Variants in MAP3K7CL observed in about 807,000 individuals in gnomAD.
The protein encoded by MAP3K7CL is MAP3K7 C-terminal-like protein.
In MAP3K7CL, 16 loss-of-function variants were observed where a neutral mutation model predicts 18.6. The observed-to-expected ratio is 0.86, with a 90% CI of 0.58 to 1.31. The LOEUF is 1.31. MAP3K7CL is among the 50% of genes most tolerant of loss of function. The pLI, the probability that MAP3K7CL is intolerant of heterozygous loss-of-function variation, is 0.00. For synonymous variants in MAP3K7CL, 65 were observed against 66.8 expected (o/e 0.97, Z 0.13); for missense variants, 163 against 174.4 (o/e 0.93, Z 0.37).
chr21:29,169,142 A>G lies in MAP3K7CL; in HGVS notation c.249-5570A>G, dbSNP rs1394130980. ...TGCTGCTAGACTTCCTACAACGCCAATGTATAGACAGTGCCCAACGACAAA... is the reference window on the plus strand; with the variant it reads ...TGCTGCTAGACTTCCTACAACGCCAGTGTATAGACAGTGCCCAACGACAAA... On this transcript the variant is annotated intron_variant, in intron 4 of 4. Coordinates refer to ENST00000399928, the MANE Select transcript of MAP3K7CL (RefSeq NM_001286620.2). Among the ~76,000 whole-genome samples, 11 of 152,228 alleles carry G rather than the reference A, an allele frequency of 7.2e-5. 1 individual carries two copies. Among genetic ancestry groups the G allele is most frequent in the African/African-American group, 1.9e-4 (8 of 41,450 alleles).
rs1221578809 is a variant in MAP3K7CL, at chr21:29,175,847, T to G, written c.*955T>G. ...ACTCTTTGTTATATGTCCATTTCTATTCATGTAACTTCTTTTTCATTAAAC... is the reference window on the plus strand; with the variant it reads ...ACTCTTTGTTATATGTCCATTTCTAGTCATGTAACTTCTTTTTCATTAAAC... On this transcript the variant is annotated 3_prime_UTR_variant, in exon 5 of 5. Coordinates refer to ENST00000399928, the MANE Select transcript of MAP3K7CL (RefSeq NM_001286620.2). 6.6e-6 allele frequency: 1 copy of G among 152,234 alleles called. No homozygotes were observed. Among genetic ancestry groups the G allele is most frequent in the African/African-American group, 2.4e-5 (1 of 41,460 alleles). The allele number at this position is 152,234 out of a possible 1,614,324, so 9.4% of individuals were successfully genotyped here. A position where few individuals can be genotyped will look rare whatever the true frequency, so the allele number is the denominator to read the frequency against.
intron 4 of MAP3K7CL, among the ~76,000 whole-genome samples, chr21:29,119,356 G>T (rs1316302594): frequency 1.3e-5 from 2 of 152,168 alleles, no homozygotes; most frequent in Non-Finnish European, 2.9e-5. Flanking sequence ...CAACCCTAAA[G>T]GTCTTTGCCC....
At chr21:29,128,900 A>C (rs1165817188), upstream of MAP3K7CL, among the ~76,000 whole-genome samples, 3 of 152,254 alleles carry the variant, frequency 2.0e-5, no homozygotes, top group Admixed American at 1.3e-4. Context: ...ATATTAAAAC[A>C]GTAATATTAA....
At chr21:29,141,537 G>A (rs1361909138) in intron 2 of MAP3K7CL, among the ~76,000 whole-genome samples, 1 of 150,684 alleles carries the variant, frequency 6.6e-6, no homozygotes, top group African/African-American at 2.4e-5. Context: ...AAAAAAGAGA[G>A]AAATTGTCCT....
chr21:29,146,559 G>C (rs559226086), intron 2 of MAP3K7CL, among the ~76,000 whole-genome samples: 42 of 152,258 alleles, frequency 2.8e-4, no homozygotes, highest in African/African-American at 9.9e-4. Flanking sequence ...GCATTCAAAG[G>C]GCCTTGGGAC....
In MAP3K7CL at chr21:29,175,627, G is replaced by A. The variant is rs1467959278; in HGVS notation, c.*735G>A. ...TGCCTGTGTGTGTTCTGGGGGAGGG[G>A]GGACATGGAAAAATATTGTTTGGAC... On this transcript the variant is annotated 3_prime_UTR_variant, in exon 5 of 5. Transcript: ENST00000399928. The A allele has an allele frequency of 6.6e-6, 1 of 152,238 alleles. No individual in the cohort carries two copies. The highest frequency in any genetic ancestry group is 2.4e-5 in the African/African-American group (1 of 41,426). 9.4% of individuals were successfully genotyped at this position (152,238 alleles called of 1,614,324 possible).
At chr21:29,146,977 A>G (rs768527644) in intron 2 of MAP3K7CL, among the ~76,000 whole-genome samples, 3 of 152,196 alleles carry the variant, frequency 2.0e-5, no homozygotes, top group African/African-American at 4.8e-5. Flanking sequence ...GGGAGAGGAT[A>G]CTTGTTTCCA....
intron 4 of MAP3K7CL, among the ~76,000 whole-genome samples, chr21:29,115,019 G>A (rs558034007): frequency 3.9e-5 from 6 of 152,288 alleles, no homozygotes; most frequent in African/African-American, 9.6e-5. Context: ...CTCAGCTGAT[G>A]CAAACCATTT....
chr21:29,111,785 C>A (rs1043655751), intron 4 of MAP3K7CL, among the ~76,000 whole-genome samples: 2 of 152,146 alleles, frequency 1.3e-5, no homozygotes, highest in Non-Finnish European at 1.5e-5. Context: ...TCTCACTTTG[C>A]CCCCACTTCC....
At chr21:29,134,374 T>G (rs939958051) in intron 2 of MAP3K7CL, among the ~76,000 whole-genome samples, 1 of 151,874 alleles carries the variant, frequency 6.6e-6, no homozygotes, top group South Asian at 2.1e-4. Flanking sequence ...AAGTAGTAAT[T>G]GAAAAGGGAC....
chr21:29,140,896 G>C (rs2086991979), intron 2 of MAP3K7CL, among the ~76,000 whole-genome samples: 1 of 152,096 alleles, frequency 6.6e-6, no homozygotes, highest in South Asian at 2.1e-4. Context: ...TCCCACCTCA[G>C]CCTCCCAAGT....
intron 4 of MAP3K7CL, among the ~76,000 whole-genome samples, chr21:29,105,385 G>C (rs867069500): frequency 6.6e-6 from 1 of 152,140 alleles, no homozygotes; most frequent in African/African-American, 2.4e-5. Flanking sequence ...TGAGCCTCTC[G>C]AGCTCTGAGC....
intron 1 of MAP3K7CL, among the ~76,000 whole-genome samples, chr21:29,079,322 A>T (rs1219991250): frequency 6.6e-6 from 1 of 152,238 alleles, no homozygotes; most frequent in East Asian, 1.9e-4. Flanking sequence ...GACAGGAAGG[A>T]AGTGGCTCTG....
intron 1 of MAP3K7CL, among the ~76,000 whole-genome samples, chr21:29,086,898 T>G (rs1055035708): frequency 6.6e-6 from 1 of 152,208 alleles, no homozygotes; most frequent in Admixed American, 6.5e-5. Context: ...TGCTGAGTGC[T>G]TTATGCGTGT....
chr21:29,086,569 T>G (rs1460717664), intron 1 of MAP3K7CL, among the ~76,000 whole-genome samples: 1 of 152,212 alleles, frequency 6.6e-6, no homozygotes, highest in Non-Finnish European at 1.5e-5. Flanking sequence ...ACATTTCACT[T>G]CCGTGATGAG....
upstream of MAP3K7CL, among the ~76,000 whole-genome samples, chr21:29,083,969 T>C (rs959856062): frequency 2.7e-5 from 4 of 147,318 alleles, no homozygotes; most frequent in African/African-American, 9.9e-5. Flanking sequence ...ATAATATATA[T>C]AATTGTATAT....
chr21:29,140,361 G>T (rs1343796021), intron 2 of MAP3K7CL, among the ~76,000 whole-genome samples: 3 of 152,180 alleles, frequency 2.0e-5, no homozygotes, highest in Non-Finnish European at 4.4e-5. Flanking sequence ...AGTGTTCATT[G>T]AGTACTAAGG....
intron 1 of MAP3K7CL, 126 bp from the exon 2 acceptor site, chr21:29,133,180 T>G: frequency 1.8e-6 from 1 of 545,160 alleles, no homozygotes; most frequent in African/African-American, 1.9e-5. Context: ...AAACTAGGAG[T>G]ATCTTTAGAA....
chr21:29,135,242 T>C (rs764583195), intron 2 of MAP3K7CL, among the ~76,000 whole-genome samples: 1 of 152,074 alleles, frequency 6.6e-6, no homozygotes, highest in South Asian at 2.1e-4. Flanking sequence ...AAAGGAAAAA[T>C]GAAAGCCCTT....
Sources: allele counts gnomAD v4.1 joint callset (sites outside exome capture counted in the v4.1 genomes callset), GRCh38; gene constraint gnomAD v4.1.1; transcripts MANE v1.5; gene names NCBI Gene and HGNC (gene_info 2026-07-23, HGNC 2026-07-21).